ARHGAP15: variants seen among roughly 807,000 people sequenced by gnomAD.
ARHGAP15 encodes the protein rho GTPase-activating protein 15.
Under a neutral mutation model 63.7 loss-of-function variants are expected in ARHGAP15, and 51 were observed. The observed-to-expected ratio is 0.80, with a 90% confidence interval of 0.64 to 1.01. ARHGAP15 has a LOEUF of 1.01. Ranked by LOEUF, ARHGAP15 falls within the 50% of genes least tolerant of loss-of-function variation. The pLI is 0.00. For missense variants in ARHGAP15, 560 were observed against 564.6 expected (o/e 0.99, Z 0.08); for synonymous variants, 191 against 193.8 (o/e 0.99, Z 0.12).
intron 5 of ARHGAP15, among the ~76,000 whole-genome samples, chr2:143,234,583 C>T (rs1693568424): frequency 6.6e-6 from 1 of 152,202 alleles, no homozygotes; most frequent in African/African-American, 2.4e-5. Flanking sequence ...GCTATCCTGC[C>T]ACTTCTCAGG....
intron 13 of ARHGAP15, among the ~76,000 whole-genome samples, chr2:143,722,434 G>C (rs1169070218): frequency 6.6e-6 from 1 of 151,970 alleles, no homozygotes; most frequent in Non-Finnish European, 1.5e-5. Context: ...AGCTGGCAGG[G>C]CAAAGTACAT....
At chr2:143,359,570 G>C (rs541869197) in intron 6 of ARHGAP15, among the ~76,000 whole-genome samples, 1 of 151,866 alleles carries the variant, frequency 6.6e-6, no homozygotes, top group Non-Finnish European at 1.5e-5. Context: ...TTCCAAAATC[G>C]ATGCAAAGAA....
chr2:143,331,210 A>G (rs1180146068), intron 6 of ARHGAP15, among the ~76,000 whole-genome samples: 1 of 152,044 alleles, frequency 6.6e-6, no homozygotes, highest in Admixed American at 6.6e-5. Context: ...CATTTTAGCA[A>G]TATATTTTTC....
intron 8 of ARHGAP15, among the ~76,000 whole-genome samples, chr2:143,475,179 A>C (rs185510531): frequency 6.6e-6 from 1 of 152,318 alleles, no homozygotes; most frequent in Non-Finnish European, 1.5e-5. Context: ...TGATTATTGC[A>C]ATAGAGCCAA....
At chr2:143,170,027 C>G (rs72992670) in intron 2 of ARHGAP15, among the ~76,000 whole-genome samples, 8,133 of 151,810 alleles carry the variant, frequency 0.054, 318 homozygotes, top group Middle Eastern at 0.082. Context: ...GTCCTTTTGT[C>G]AGGCCTGGCT....
intron 6 of ARHGAP15, among the ~76,000 whole-genome samples, chr2:143,340,334 C>A (rs12993273): frequency 0.18 from 27,125 of 151,958 alleles, 2,914 homozygotes; most frequent in Admixed American, 0.31. Context: ...CCTGTGGGTG[C>A]TGTTTTATGG....
chr2:143,386,059 A>T (rs1687274950), intron 6 of ARHGAP15, among the ~76,000 whole-genome samples: 2 of 152,184 alleles, frequency 1.3e-5, no homozygotes, highest in Admixed American at 6.6e-5. Flanking sequence ...TTTATGGCCA[A>T]GCATAAAGAA....
At chr2:143,158,469 C>T (rs1690167216) in intron 2 of ARHGAP15, among the ~76,000 whole-genome samples, 1 of 151,872 alleles carries the variant, frequency 6.6e-6, no homozygotes, top group South Asian at 2.1e-4. Context: ...GATATGAATC[C>T]TCCATTAGTA....
intron 11 of ARHGAP15, among the ~76,000 whole-genome samples, chr2:143,584,803 C>T (rs886970676): frequency 3.3e-5 from 5 of 152,116 alleles, no homozygotes; most frequent in Non-Finnish European, 7.4e-5. Context: ...CATAATACAT[C>T]TTTTATTCTC....
intron 6 of ARHGAP15, among the ~76,000 whole-genome samples, chr2:143,297,807 G>C (rs537367147): frequency 6.6e-6 from 1 of 151,916 alleles, no homozygotes; most frequent in Non-Finnish European, 1.5e-5. Context: ...ATTCAGCAGA[G>C]AGCCTGAATA....
chr2:143,197,236 C>G (rs2105102651), intron 2 of ARHGAP15, among the ~76,000 whole-genome samples: 1 of 151,990 alleles, frequency 6.6e-6, no homozygotes, highest in East Asian at 1.9e-4. Flanking sequence ...TTAGAAATTA[C>G]TGACATATGG....
chr2:143,245,310 G>T (rs1023544111), intron 5 of ARHGAP15, among the ~76,000 whole-genome samples: 1 of 152,174 alleles, frequency 6.6e-6, no homozygotes, highest in Non-Finnish European at 1.5e-5. Context: ...AAGGTGAAAT[G>T]CTTCCATGGC....
intron 6 of ARHGAP15, among the ~76,000 whole-genome samples, chr2:143,407,487 T>G (rs2105012676): frequency 6.6e-6 from 1 of 151,968 alleles, no homozygotes; most frequent in Admixed American, 6.6e-5. Flanking sequence ...TGAATCAAGA[T>G]TCTGAGCATG....
At chr2:143,244,561 G>T (rs1693976472) in intron 5 of ARHGAP15, among the ~76,000 whole-genome samples, 1 of 152,190 alleles carries the variant, frequency 6.6e-6, no homozygotes, top group Non-Finnish European at 1.5e-5. Context: ...AAAACACATT[G>T]CATTTTGGAA....
chr2:143,494,046 G>T (rs1692706189), intron 9 of ARHGAP15, among the ~76,000 whole-genome samples: 1 of 152,166 alleles, frequency 6.6e-6, no homozygotes, highest in Admixed American at 6.5e-5. Flanking sequence ...TCAAGATAAT[G>T]TATATAGTGG....
chr2:143,351,493 A>G (rs187789295), intron 6 of ARHGAP15: 5 of 152,318 alleles, frequency 3.3e-5, no homozygotes, highest in Admixed American at 6.5e-5. Flanking sequence ...TCATTAAGCA[A>G]AATGCTTCAA....
chr2:143,701,074 C>T (rs1559133768), intron 12 of ARHGAP15, among the ~76,000 whole-genome samples: 1 of 151,984 alleles, frequency 6.6e-6, no homozygotes, highest in Non-Finnish European at 1.5e-5. Flanking sequence ...CTAAGAATAA[C>T]TGCAATTTTG....
At position 143,637,251 on chromosome 2, in the gene ARHGAP15, C is replaced by G. The variant is rs116364193; in HGVS notation, c.1138+12984C>G. ...ACAACTTTATCAGTGCAGAATAAAG[C>G]TTCCTCCTATATTCTCACAATATCT... is the stretch of plus-strand genomic sequence containing the variant. On this transcript the variant is annotated intron_variant, in intron 12 of 13. Coordinates refer to ENST00000295095, the MANE Select transcript of ARHGAP15 (RefSeq NM_018460.4). Among the ~76,000 whole-genome samples the G allele has an allele frequency of 2.2e-3, 339 of 152,200 alleles. 2 individuals are homozygous for G. The highest frequency in any genetic ancestry group is 6.8e-3 in the Middle Eastern group (2 of 292).
At chr2:143,615,534 C>T (rs1698421446) in intron 11 of ARHGAP15, among the ~76,000 whole-genome samples, 1 of 152,122 alleles carries the variant, frequency 6.6e-6, no homozygotes, top group African/African-American at 2.4e-5. Context: ...TAAGAACTCT[C>T]ATTTGACAAG....
Sources: allele counts gnomAD v4.1 joint callset (sites outside exome capture counted in the v4.1 genomes callset), GRCh38; gene constraint gnomAD v4.1.1; transcripts MANE v1.5; gene names NCBI Gene and HGNC (gene_info 2026-07-23, HGNC 2026-07-21).